Variants in USP29 observed in about 807,000 individuals in gnomAD.
USP29 encodes the protein ubiquitin specific peptidase 29.
For synonymous variants in USP29, 386 were observed against 387.4 expected, an observed-to-expected ratio of 1.00 and a Z score of 0.04; for missense variants, 1,102 against 1,069.0, an observed-to-expected ratio of 1.03 and a Z score of -0.43.
Position 57,129,176 on chromosome 19 carries a change from G to C in USP29, c.501G>C (p.Gly167=). ...AGGGGATATTAGAAAATCAAGGTGG[G>C]AAGGGGCAAAACACACTATCATCTG... The part of the protein sequence containing the change: ...VKKGILENQG[G]KGQNTLSSDV... The change falls in exon 4 of 4, where the codon GGG becomes GGC. Residue 167 remains glycine, a synonymous_variant. Transcript: ENST00000254181. 1 of 1,613,648 alleles carries C rather than the reference G, an allele frequency of 6.2e-7. No homozygotes were observed. Among genetic ancestry groups the C allele is most frequent in the Non-Finnish European group, 8.5e-7 (1 of 1,179,746 alleles).
intron 3 of USP29, among the ~76,000 whole-genome samples, chr19:57,125,910 C>G (rs2086821485): frequency 1.3e-5 from 2 of 152,114 alleles, no homozygotes; most frequent in African/African-American, 4.8e-5. Flanking sequence ...CCGGCTTTTC[C>G]TTTCCATATT....
chr19:57,129,348 G>C lies in USP29; in HGVS notation c.673G>C (p.Gly225Arg). The stretch of plus-strand genomic sequence containing the variant: ...AGAAAAAGATAGAGATTTGAAACTC[G>C]GGCCTTCATTCAATACCAACTGTAA... ...DLEKDRDLKL[G>R]PSFNTNCNGN... is the part of the protein sequence containing the mutation. The change falls in exon 4 of 4, where the codon GGG (glycine) becomes CGG (arginine). Residue 225 changes from glycine to arginine, a missense_variant. By Grantham distance (125) the Gly-to-Arg change is moderately radical. Coordinates refer to ENST00000254181, the MANE Select transcript of USP29 (RefSeq NM_020903.3). 2 of 1,614,070 alleles carry C rather than the reference G, an allele frequency of 1.2e-6. No individual in the cohort carries two copies. The highest frequency in any genetic ancestry group is 2.2e-5 in the South Asian group (2 of 91,070).
intron 3 of USP29, among the ~76,000 whole-genome samples, chr19:57,125,688 G>A (rs2086820227): frequency 6.7e-6 from 1 of 149,192 alleles, no homozygotes; most frequent in South Asian, 2.1e-4. Context: ...CCTGAATATA[G>A]CACATCAATG....
At position 57,129,875 on chromosome 19, in the gene USP29, A is replaced by G. The variant is rs771772505; in HGVS notation, c.1200A>G (p.Glu400=). 6 of 1,614,202 alleles carry G rather than the reference A, an allele frequency of 3.7e-6. No individual in the cohort carries two copies. The highest frequency in any genetic ancestry group is 5.1e-6 in the Non-Finnish European group (6 of 1,180,036). ...KLNATLNTGK[E]CGDENSSPQM... is the part of the protein sequence containing the mutation. The stretch of plus-strand genomic sequence containing the variant: ...ATGCCACTTTGAATACTGGGAAAGA[A>G]TGTGGGGATGAAAATTCATCTCCAC... Residue 400 remains glutamate (E), a synonymous_variant, in exon 4 of 4, where the codon GAA becomes GAG. Coordinates refer to ENST00000254181, the MANE Select transcript of USP29 (RefSeq NM_020903.3).
At chr19:57,127,843 T>C (rs1237594864) in intron 3 of USP29, among the ~76,000 whole-genome samples, 4 of 152,138 alleles carry the variant, frequency 2.6e-5, no homozygotes, top group Non-Finnish European at 4.4e-5. Context: ...AATCAACTCT[T>C]GCAACTAGCT....
intron 3 of USP29, among the ~76,000 whole-genome samples, chr19:57,125,274 G>A (rs1242432012): frequency 1.3e-5 from 2 of 152,126 alleles, no homozygotes; most frequent in African/African-American, 4.8e-5. Context: ...CATTTGCTGA[G>A]GAGTGTTTTA....
At position 57,129,920 on chromosome 19, in the gene USP29, T is replaced by C; in HGVS notation, c.1245T>C (p.Ala415=). 1 of 1,614,210 alleles carries C rather than the reference T, an allele frequency of 6.2e-7. No homozygotes were observed. The highest frequency in any genetic ancestry group is 8.5e-7 in the Non-Finnish European group (1 of 1,180,048). ...NSSPQMHVGS[A]ATKVFVCPVV... ...CTCCACAAATGCATGTTGGTAGTGC[T>C]GCCACCAAAGTGTTTGTTTGCCCTG... The change falls in exon 4 of 4, where the codon GCT becomes GCC. Residue 415 remains alanine (A), a synonymous_variant. Transcript: ENST00000254181.
rs2086852244 is a variant in USP29 at position 57,130,556 on chromosome 19, A to G, written c.1881A>G (p.Ala627=). 6.2e-7 allele frequency: 1 copy of G among 1,614,064 alleles called. No homozygotes were observed. The highest frequency in any genetic ancestry group is 1.3e-5 in the African/African-American group (1 of 74,924). Residue 627 remains alanine (A), a synonymous_variant, in exon 4 of 4, where the codon GCA becomes GCG. Transcript: ENST00000254181. ...QHQRDLENGS[A]LESELVHFRD... ...AGAGAGACCTGGAAAATGGCTCTGC[A>G]CTAGAGTCAGAATTGGTCCACTTTA...
chr19:57,124,466 GGT>G (rs1491105478), intron 3 of USP29, among the ~76,000 whole-genome samples: 5 of 78,762 alleles, frequency 6.3e-5, no homozygotes, highest in Non-Finnish European at 9.8e-5. Flanking sequence ...TTTTTTGTGG[GGT>G]TTTTTTTTTG....
intron 1 of USP29, among the ~76,000 whole-genome samples, chr19:57,120,870 C>T (rs1333623336): frequency 1.3e-5 from 2 of 149,346 alleles, no homozygotes; most frequent in African/African-American, 2.5e-5. Context: ...TTTGGGAGGC[C>T]AAGGCGGGCG....
Position 57,131,252 on chromosome 19 carries a change from A to G in USP29, c.2577A>G (p.Leu859=). The G allele has an allele frequency of 1.9e-6, 3 of 1,614,160 alleles. No homozygotes were observed. The highest frequency in any genetic ancestry group is 2.5e-6 in the Non-Finnish European group (3 of 1,180,028). Residue 859 remains leucine (L), a synonymous_variant, in exon 4 of 4, where the codon CTA becomes CTG. Coordinates refer to ENST00000254181, the MANE Select transcript of USP29 (RefSeq NM_020903.3). ...QKQAWFTYND[L]CVSEISETKM... ...AGGCCTGGTTCACATACAACGATCTATGTGTATCAGAAATCTCAGAGACCA... is the reference window on the plus strand; with the variant it reads ...AGGCCTGGTTCACATACAACGATCTGTGTGTATCAGAAATCTCAGAGACCA...
At chr19:57,128,529 C>G (rs2086835230) in intron 3 of USP29, 131 bp from the exon 4 acceptor site, 1 of 969,680 alleles carries the variant, frequency 1.0e-6, no homozygotes, top group Non-Finnish European at 1.4e-6. Flanking sequence ...TATTAGCACC[C>G]CAAAAGAGTA....
At position 57,129,194 on chromosome 19, in the gene USP29, A is replaced by C. The variant is rs779747746; in HGVS notation, c.519A>C (p.Leu173=). The change falls in exon 4 of 4, where the codon CTA becomes CTC. Residue 173 remains leucine (L), a synonymous_variant. Coordinates refer to ENST00000254181, the MANE Select transcript of USP29 (RefSeq NM_020903.3). ...AAGGTGGGAAGGGGCAAAACACACTATCATCTGATGTACAGACAAATGAGG... is the reference window on the plus strand; with the variant it reads ...AAGGTGGGAAGGGGCAAAACACACTCTCATCTGATGTACAGACAAATGAGG... ...ENQGGKGQNT[L]SSDVQTNEDI... is the part of the protein sequence containing the mutation. 6.2e-7 allele frequency: 1 copy of C among 1,613,410 alleles called. No individual in the cohort carries two copies. The highest frequency in any genetic ancestry group is 2.2e-5 in the East Asian group (1 of 44,860).
Position 57,121,456 on chromosome 19 carries a change from TATACTTATACATGTTATAC to T in USP29, c.-267-859_-267-841del, listed in dbSNP as rs1174007567. Among the ~76,000 whole-genome samples the T allele has an allele frequency of 2.1e-5, 3 of 145,554 alleles. No individual in the cohort carries two copies. The East Asian group carries it at 5.9e-4, about 28-fold the overall frequency. Reference sequence around the variant, plus strand: ...ATGTTATATACTTATATATGTTATATATACTTATACATGTTATACATACTTATATGTTATATATACTTAT... The same window carrying T: ...ATGTTATATACTTATATATGTTATATATACTTATATGTTATATATACTTAT... On this transcript the variant is annotated intron_variant, in intron 1 of 3. Coordinates refer to ENST00000254181, the MANE Select transcript of USP29 (RefSeq NM_020903.3).
chr19:57,131,371 G>A lies in USP29; in HGVS notation c.2696G>A (p.Arg899Gln), dbSNP rs138755535. The change falls in exon 4 of 4, where the codon CGG (arginine) becomes CAG (glutamine). Residue 899 changes from arginine to glutamine, a missense_variant. Physicochemically the swap from Arg to Gln is conservative, Grantham distance 43 (BLOSUM62 1). Coordinates refer to ENST00000254181, the MANE Select transcript of USP29 (RefSeq NM_020903.3). Reference sequence around the variant, plus strand: ...CTGTTAAGAAAAGCAGAGAACTCTCGGCTACCTAGCACACAGGCAGGGGTG... The same window carrying A: ...CTGTTAAGAAAAGCAGAGAACTCTCAGCTACCTAGCACACAGGCAGGGGTG... ...EELLRKAENS[R>Q]LPSTQAGVIP... 1,879 of 1,614,086 alleles carry A rather than the reference G, an allele frequency of 1.2e-3. 3 individuals are homozygous for A. The highest frequency in any genetic ancestry group is 4.6e-3 in the South Asian group (420 of 91,088).
Position 57,130,406 on chromosome 19 carries a change from G to T in USP29, c.1731G>T (p.Leu577Phe). The T allele has an allele frequency of 6.2e-7, 1 of 1,614,162 alleles. No homozygotes were observed. Among genetic ancestry groups the T allele is most frequent in the South Asian group, 1.1e-5 (1 of 91,070 alleles). The change falls in exon 4 of 4, where the codon TTG becomes TTT. Residue 577 changes from leucine to phenylalanine, a missense_variant. By Grantham distance (22) the Leu-to-Phe change is conservative. Coordinates refer to ENST00000254181, the MANE Select transcript of USP29 (RefSeq NM_020903.3). ...QEMISEINSP[L>F]TPSMKLTSES... ...TGATTTCTGAGATCAACAGCCCATT[G>T]ACACCATCAATGAAGCTGACCTCAG...
At chr19:57,125,859 A>G (rs189604399) in intron 3 of USP29, among the ~76,000 whole-genome samples, 156 of 152,046 alleles carry the variant, frequency 1.0e-3, no homozygotes, top group African/African-American at 3.5e-3. Flanking sequence ...CTTCTGTGTC[A>G]TTGGTCTTTA....
intron 2 of USP29, among the ~76,000 whole-genome samples, chr19:57,123,364 TC>T (rs1463143413): frequency 6.6e-6 from 1 of 152,214 alleles, no homozygotes; most frequent in Non-Finnish European, 1.5e-5. Flanking sequence ...ATATGAGGCA[TC>T]CCTGTAGTTT....
Position 57,122,477 on chromosome 19 carries a change from A to G in USP29, c.-118+3A>G, listed in dbSNP as rs1027016114. The G allele has an allele frequency of 2.0e-5, 3 of 150,344 alleles. No individual in the cohort carries two copies. The highest frequency in any genetic ancestry group is 6.7e-5 in the Admixed American group (1 of 15,014). The allele number at this position is 150,344 out of a possible 1,614,324, so 9.3% of individuals were successfully genotyped here. On this transcript the variant is annotated splice_donor_region_variant and intron_variant, in intron 2 of 3. Coordinates refer to ENST00000254181, the MANE Select transcript of USP29 (RefSeq NM_020903.3). ...CACCCAGAACAGCTCTCCAAACTGTAAGTTTCATTCAAGGTTTGCTTGTTT... is the reference window on the plus strand; with the variant it reads ...CACCCAGAACAGCTCTCCAAACTGTGAGTTTCATTCAAGGTTTGCTTGTTT...
Sources: gnomAD v4.1 joint callset for allele counts (sites outside exome capture counted in the v4.1 genomes callset) on GRCh38, gnomAD v4.1.1 for gene constraint, MANE v1.5 for transcripts, NCBI Gene and HGNC (gene_info 2026-07-23, HGNC 2026-07-21) for gene names.